Variants in TMTC1 observed in about 807,000 individuals in gnomAD.
TMTC1 encodes transmembrane O-mannosyltransferase targeting cadherins 1.
Under a neutral mutation model 104.8 loss-of-function variants are expected in TMTC1, and 73 were observed. The observed-to-expected ratio is 0.70, with a 90% confidence interval of 0.58 to 0.85. TMTC1 has a LOEUF of 0.85. Ranked by LOEUF, TMTC1 falls within the 40% of genes least tolerant of loss-of-function variation. The pLI is 0.00. For synonymous variants in TMTC1, 434 were observed against 428.7 expected (o/e 1.01, Z -0.15); for missense variants, 1,035 against 1,096.1 (o/e 0.94, Z 0.79).
At chr12:29,571,989 C>A (rs1945691150) in intron 9 of TMTC1, 116 bp downstream of exon 9, 5 of 746,478 alleles carry the variant, frequency 6.7e-6, no homozygotes, top group Non-Finnish European at 8.9e-6. Flanking sequence ...CTCCAAGGAT[C>A]AGTTTACTGT....
chr12:29,557,060 T>C, intron 9 of TMTC1, 60 bp from the exon 10 acceptor site: 1 of 1,578,326 alleles, frequency 6.3e-7, no homozygotes, highest in Non-Finnish European at 8.6e-7. Context: ...GGGCACAACT[T>C]GCTTGTTCTT....
rs139923835 is a variant in TMTC1 at position 29,721,998 on chromosome 12, T to C, written c.938+29668A>G. Among the ~76,000 whole-genome samples, 1,005 of 152,306 alleles carry C rather than the reference T, an allele frequency of 6.6e-3. 10 individuals are homozygous for C. The highest frequency in any genetic ancestry group is 0.023 in the African/African-American group (965 of 41,570). ...TAACATCTGGCTTAATAGATGCCTA[T>C]TGTATCCTTCTACTATCTGCTTCTA... is the stretch of plus-strand genomic sequence containing the variant. On this transcript the variant is annotated intron_variant, in intron 5 of 17. Coordinates refer to ENST00000539277, the MANE Select transcript of TMTC1 (RefSeq NM_001193451.2).
intron 8 of TMTC1, among the ~76,000 whole-genome samples, chr12:29,582,866 G>C (rs1592269516): frequency 1.3e-5 from 2 of 152,218 alleles, no homozygotes; most frequent in East Asian, 3.8e-4. Flanking sequence ...AGTGCCAAGA[G>C]AGCCAGGCGA....
chr12:29,740,292 T>A (rs1942791154), intron 5 of TMTC1, among the ~76,000 whole-genome samples: 1 of 152,152 alleles, frequency 6.6e-6, no homozygotes, highest in Non-Finnish European at 1.5e-5. Context: ...GTGTGGGTGG[T>A]GCCAAAAGAG....
intron 5 of TMTC1, among the ~76,000 whole-genome samples, chr12:29,750,690 T>C (rs1023768787): frequency 1.3e-5 from 2 of 152,330 alleles, no homozygotes; most frequent in Admixed American, 1.3e-4. Context: ...AAAGTGCTAA[T>C]CTTATGAATG....
intron 5 of TMTC1, among the ~76,000 whole-genome samples, chr12:29,742,757 T>G (rs1156516669): frequency 1.3e-5 from 2 of 152,228 alleles, no homozygotes; most frequent in Non-Finnish European, 2.9e-5. Context: ...AAGAATTAAG[T>G]GTTATCATAA....
At chr12:29,767,249 A>G (rs1943487482) in intron 2 of TMTC1, among the ~76,000 whole-genome samples, 1 of 152,138 alleles carries the variant, frequency 6.6e-6, no homozygotes, top group Non-Finnish European at 1.5e-5. Flanking sequence ...CACCACACCC[A>G]GCCAATACTT....
intron 5 of TMTC1, among the ~76,000 whole-genome samples, chr12:29,705,622 A>T (rs1357224121): frequency 1.3e-5 from 2 of 152,090 alleles, no homozygotes; most frequent in Non-Finnish European, 2.9e-5. Flanking sequence ...TCTTGTTTCA[A>T]AGGACTGTGG....
intron 2 of TMTC1, among the ~76,000 whole-genome samples, chr12:29,765,705 T>A (rs1226405487): frequency 6.6e-6 from 1 of 152,220 alleles, no homozygotes; most frequent in Non-Finnish European, 1.5e-5. Context: ...AATCTAGGTA[T>A]AACAGATTTA....
chr12:29,522,957 T>C (rs1400780182), intron 11 of TMTC1, among the ~76,000 whole-genome samples: 1 of 152,360 alleles, frequency 6.6e-6, no homozygotes, highest in East Asian at 1.9e-4. Context: ...GTCTTTATCC[T>C]TACTTATCCA....
chr12:29,784,283 C>G (rs1169557211), upstream of TMTC1: 1 of 152,294 alleles, frequency 6.6e-6, no homozygotes, highest in African/African-American at 2.4e-5. Context: ...TTAGCAGGTG[C>G]GCAGTCTGGA....
chr12:29,751,215 T>G (rs911338002), intron 5 of TMTC1, among the ~76,000 whole-genome samples: 1 of 152,240 alleles, frequency 6.6e-6, no homozygotes, highest in East Asian at 1.9e-4. Flanking sequence ...AAGACAGTCA[T>G]GTGCTGTAAA....
intron 1 of TMTC1, among the ~76,000 whole-genome samples, chr12:29,780,498 T>C (rs532261436): frequency 1.6e-4 from 24 of 152,336 alleles, no homozygotes; most frequent in African/African-American, 5.8e-4. Flanking sequence ...GAGGGGATTA[T>C]GGATTAGGCA....
chr12:29,722,136 T>C (rs1942252841), intron 5 of TMTC1, among the ~76,000 whole-genome samples: 2 of 152,224 alleles, frequency 1.3e-5, no homozygotes, highest in Non-Finnish European at 1.5e-5. Flanking sequence ...AAGAATAATT[T>C]TGACCTCATG....
chr12:29,638,515 C>T (rs189445562), intron 5 of TMTC1, among the ~76,000 whole-genome samples: 1 of 152,248 alleles, frequency 6.6e-6, no homozygotes, highest in Non-Finnish European at 1.5e-5. Context: ...TACACTAGGG[C>T]AAGAACTCAG....
At chr12:29,651,575 C>G (rs1939520535) in intron 5 of TMTC1, among the ~76,000 whole-genome samples, 2 of 152,198 alleles carry the variant, frequency 1.3e-5, no homozygotes, top group African/African-American at 4.8e-5. Flanking sequence ...AAAATGCAAG[C>G]AGCTCAGAAC....
chr12:29,660,823 G>A, intron 5 of TMTC1: 1 of 1,478,664 alleles, frequency 6.8e-7, no homozygotes, highest in African/African-American at 1.4e-5. Flanking sequence ...GACCAAAATG[G>A]CCCTTTTTAA....
chr12:29,773,107 C>A (rs760472281), intron 1 of TMTC1, among the ~76,000 whole-genome samples: 3 of 152,124 alleles, frequency 2.0e-5, no homozygotes, highest in Middle Eastern at 3.2e-3. Flanking sequence ...ATCTGAAAAC[C>A]TTCCAGAGTT....
intron 5 of TMTC1, among the ~76,000 whole-genome samples, chr12:29,689,260 GT>G (rs35349904): frequency 0.19 from 27,862 of 146,606 alleles, 2,738 homozygotes; most frequent in East Asian, 0.3. Context: ...TAAGCCACTG[GT>G]TTTTTTTTTT....
Sources: gnomAD v4.1 joint callset for allele counts (sites outside exome capture counted in the v4.1 genomes callset) on GRCh38, gnomAD v4.1.1 for gene constraint, MANE v1.5 for transcripts, NCBI Gene and HGNC (gene_info 2026-07-23, HGNC 2026-07-21) for gene names.